GSK3A: variants seen among roughly 807,000 people sequenced by gnomAD.
GSK3A encodes the protein glycogen synthase kinase 3 alpha, also known as glycogen synthase kinase-3 alpha.
A neutral mutation model predicts 56.6 loss-of-function variants in GSK3A; 14 were observed. The observed-to-expected ratio is 0.25, with a 90% CI of 0.16 to 0.39. The LOEUF (loss-of-function observed/expected upper bound fraction) is 0.39. Ranked by LOEUF, GSK3A falls within the 10% of genes least tolerant of loss-of-function variation. The pLI is 1.00. For synonymous variants in GSK3A, 301 were observed against 285.0 expected (o/e 1.06, Z -0.56); for missense variants, 450 against 656.0 (o/e 0.69, Z 3.43).
chr19:42,236,786 G>T, intron 3 of GSK3A, 70 bp from the exon 4 acceptor site: 1 of 1,476,136 alleles, frequency 6.8e-7, no homozygotes, highest in Non-Finnish European at 9.5e-7. Context: ...GGTATGCAGG[G>T]AGCAGTGGGG....
At chr19:42,242,161 C>T (rs2036296525) in intron 1 of GSK3A, 22 bp downstream of exon 1, 2 of 1,356,650 alleles carry the variant, frequency 1.5e-6, no homozygotes, top group African/African-American at 1.5e-5. Context: ...CACCACCCTA[C>T]ACGGGCGCCA....
At chr19:42,236,518 G>A in intron 4 of GSK3A, 88 bp downstream of exon 4, 1 of 828,360 alleles carries the variant, frequency 1.2e-6, no homozygotes, top group Non-Finnish European at 2.1e-6. Context: ...ACATAAACTT[G>A]GCGGATGAGG....
Position 42,233,383 on chromosome 19 carries a change from T to A in GSK3A, c.905A>T (p.Asp302Val). 6.4e-7 allele frequency: 1 copy of A among 1,567,384 alleles called. No homozygotes were observed. Among genetic ancestry groups the A allele is most frequent in the Non-Finnish European group, 8.7e-7 (1 of 1,153,436 alleles). Residue 302 changes from aspartate to valine, a missense_variant and splice_region_variant, in exon 7 of 11, where the codon GAT becomes GTT. Physicochemically the swap from Asp to Val is radical, Grantham distance 152. Around this residue, in one of 3 missense-constraint regions of GSK3A, gnomAD observed 144 missense variants for 308.0 expected, o/e 0.47. Coordinates refer to ENST00000222330, the MANE Select transcript of GSK3A (RefSeq NM_019884.3). ...FGATDYTSSI[D>V]VWSAGCVLAE... ...CAGTACACAGCCAGCTGACCAAACA[T>A]CTGAGGGGAAATGGAGGGAGCGTCA... is the stretch of plus-strand genomic sequence containing the variant.
intron 3 of GSK3A, 59 bp downstream of exon 3, chr19:42,236,799 A>G: frequency 6.7e-7 from 1 of 1,496,782 alleles, no homozygotes; most frequent in Non-Finnish European, 9.3e-7. Context: ...CAGTGGGGGA[A>G]AGGCAGGCAG....
intron 4 of GSK3A, among the ~76,000 whole-genome samples, chr19:42,236,285 C>T (rs2036256376): frequency 6.6e-6 from 1 of 152,166 alleles, no homozygotes; most frequent in South Asian, 2.1e-4. Flanking sequence ...CAGTCCTGGT[C>T]CCCACCACCC....
intron 9 of GSK3A, 82 bp downstream of exon 9, chr19:42,232,414 C>T: frequency 1.5e-6 from 2 of 1,335,976 alleles, no homozygotes; most frequent in Non-Finnish European, 2.1e-6. Flanking sequence ...CTCCCCACTC[C>T]TGCTTCAACA....
chr19:42,240,322 T>C (rs1034511208), intron 1 of GSK3A, 180 bp from the exon 2 acceptor site: 38 of 620,378 alleles, frequency 6.1e-5, no homozygotes, highest in African/African-American at 1.8e-5. Flanking sequence ...CCCCTCTTCC[T>C]TTCTGGGAAT....
At chr19:42,232,790 C>A in intron 8 of GSK3A, 108 bp from the exon 9 acceptor site, 1 of 893,768 alleles carries the variant, frequency 1.1e-6, no homozygotes. Flanking sequence ...GGTTGCTTCC[C>A]ACACCCCCAC....
chr19:42,233,480 C>A, intron 6 of GSK3A, 97 bp from the exon 7 acceptor site: 1 of 806,324 alleles, frequency 1.2e-6, no homozygotes, highest in South Asian at 1.7e-5. Context: ...GTGTCAGGAG[C>A]CCCGTTTTCT....
In GSK3A at chr19:42,230,679, C is replaced by CACCTCTAG; in HGVS notation, c.*114_*115insCTAGAGGT. The CACCTCTAG allele has an allele frequency of 1.3e-6, 1 of 759,318 alleles. No homozygotes were observed. Among genetic ancestry groups the CACCTCTAG allele is most frequent in the South Asian group, 1.5e-5 (1 of 67,028 alleles). 47.0% of individuals were successfully genotyped at this position (759,318 alleles called of 1,614,324 possible). On this transcript the variant is annotated 3_prime_UTR_variant, in exon 11 of 11. Coordinates refer to ENST00000222330, the MANE Select transcript of GSK3A (RefSeq NM_019884.3). ...GAGGTGGGGACAGGGACTCATTTAC[C>CACCTCTAG]TCTGCCCTCTAGTCTAGGGGCCCAG...
chr19:42,240,698 G>A, intron 1 of GSK3A: 1 of 158,766 alleles, frequency 6.3e-6, no homozygotes, highest in Non-Finnish European at 1.4e-5. Context: ...TGCTATAAGT[G>A]CCAGTGCCCT....
intron 1 of GSK3A, chr19:42,241,012 T>C (rs2036288040): frequency 6.6e-6 from 1 of 152,162 alleles, no homozygotes; most frequent in South Asian, 2.1e-4. Context: ...GTTTTTTTTT[T>C]TGAGACACAG....
At chr19:42,242,023 C>T (rs932758588) in intron 1 of GSK3A, 160 bp downstream of exon 1, 1 of 526,530 alleles carries the variant, frequency 1.9e-6, no homozygotes, top group African/African-American at 2.0e-5. Context: ...GATGGTAACC[C>T]CAAGACTCCT....
In GSK3A at chr19:42,242,061, C is replaced by G. The variant is rs188700957; in HGVS notation, c.283+122G>C. 8.2e-4 allele frequency: 709 copies of G among 864,902 alleles called. 6 individuals carry two copies. The African/African-American group carries it at 0.012, about 14-fold the overall frequency. 53.6% of individuals were successfully genotyped at this position (864,902 alleles called of 1,614,324 possible). On this transcript the variant is annotated intron_variant, in intron 1 of 10. Coordinates refer to ENST00000222330, the MANE Select transcript of GSK3A (RefSeq NM_019884.3). ...TCCTGGGAGGAAGAGGGCTCGGATC[C>G]CCGGTATGGGGAGGCACAGTGACCT... is the stretch of plus-strand genomic sequence containing the variant.
intron 2 of GSK3A, among the ~76,000 whole-genome samples, chr19:42,239,279 C>G (rs1452446265): frequency 6.6e-6 from 1 of 152,216 alleles, no homozygotes; most frequent in Non-Finnish European, 1.5e-5. Flanking sequence ...AAGGGCCCTC[C>G]CTGCCAAGAC....
In GSK3A at chr19:42,233,266, A is replaced by T. The variant is rs1431211775; in HGVS notation, c.1002+20T>A. 6 of 373,302 alleles carry T rather than the reference A, an allele frequency of 1.6e-5. No homozygotes were observed. The highest frequency in any genetic ancestry group is 1.1e-4 in the African/African-American group (3 of 27,712). The allele number at this position is 373,302 out of a possible 1,614,324, so 23.1% of individuals were successfully genotyped here. On this transcript the variant is annotated intron_variant, in intron 7 of 10. Coordinates refer to ENST00000222330, the MANE Select transcript of GSK3A (RefSeq NM_019884.3). The stretch of plus-strand genomic sequence containing the variant: ...CATCCCTCAGCCCCACCCCCTGCCC[A>T]GCCCAGCCCCGCCCCTCACCTTGAT...
rs1157378938 is a variant in GSK3A, at chr19:42,234,978, T to A, written c.667-300A>T. On this transcript the variant is annotated intron_variant, in intron 4 of 10. Transcript: ENST00000222330. The surrounding 1 kb of genome is among the most constrained non-coding windows in gnomAD (Gnocchi z 5.7). ...CCCGTCTCTACTAAAAATACAAAAA[T>A]TAGCCGGGCGTGGTGGTGCACACCT... Among the ~76,000 whole-genome samples the A allele has an allele frequency of 6.6e-6, 1 of 151,972 alleles. No individual in the cohort carries two copies. The highest frequency in any genetic ancestry group is 2.4e-5 in the African/African-American group (1 of 41,380).
In GSK3A at chr19:42,242,256, G is replaced by A. The variant is rs1208606236; in HGVS notation, c.210C>T (p.Gly70=). 4 of 1,433,322 alleles carry A rather than the reference G, an allele frequency of 2.8e-6. No homozygotes were observed. Among genetic ancestry groups the A allele is most frequent in the East Asian group, 3.0e-5 (1 of 32,992 alleles). The allele number at this position is 1,433,322 out of a possible 1,614,324, so 88.8% of individuals were successfully genotyped here. Residue 70 remains glycine, a synonymous_variant, in exon 1 of 11, where the codon GGC becomes GGT. Coordinates refer to ENST00000222330, the MANE Select transcript of GSK3A (RefSeq NM_019884.3). ...CTCCGCTGCCTCCTCCGCCGCTGCCGCCGGGTCCACCCCCGGAGCTCGAGG... is the reference window on the plus strand; with the variant it reads ...CTCCGCTGCCTCCTCCGCCGCTGCCACCGGGTCCACCCCCGGAGCTCGAGG... ...VGASSSGGGP[G]GSGGGGSGGP...
chr19:42,242,315 C>T lies in GSK3A; in HGVS notation c.151G>A (p.Ala51Thr). ...SGPGGTGGGKASVGAMGGGVG... is the reference protein window; with the variant it reads ...SGPGGTGGGKTSVGAMGGGVG... ...CCCCCACCCATGGCCCCGACAGATGCCTTTCCGCCGCCGGTGCCGCCTGGG... is the reference window on the plus strand; with the variant it reads ...CCCCCACCCATGGCCCCGACAGATGTCTTTCCGCCGCCGGTGCCGCCTGGG... Residue 51 changes from alanine to threonine, a missense_variant, in exon 1 of 11, where the codon GCA (alanine) becomes ACA (threonine). Ala to Thr is a moderately conservative substitution (Grantham distance 58). Coordinates refer to ENST00000222330, the MANE Select transcript of GSK3A (RefSeq NM_019884.3). The T allele has an allele frequency of 2.8e-6, 4 of 1,436,666 alleles. No homozygotes were observed. Among genetic ancestry groups the T allele is most frequent in the Non-Finnish European group, 3.6e-6 (4 of 1,100,908 alleles). 89.0% of individuals were successfully genotyped at this position (1,436,666 alleles called of 1,614,324 possible). A position where few individuals can be genotyped will look rare whatever the true frequency, so the allele number is the denominator to read the frequency against.
Sources: gnomAD v4.1 joint callset for allele counts (sites outside exome capture counted in the v4.1 genomes callset) on GRCh38, gnomAD v4.1.1 for gene constraint, gnomAD v4.1.1 regional missense constraint, Gnocchi (gnomAD v3.1) non-coding constraint, MANE v1.5 for transcripts, NCBI Gene and HGNC (gene_info 2026-07-23, HGNC 2026-07-21) for gene names.